CTNNA3: variants seen among roughly 807,000 people sequenced by gnomAD.
CTNNA3 encodes the protein catenin alpha 3.
In CTNNA3, 76 loss-of-function variants were observed where a neutral mutation model predicts 95.7. That is an observed-to-expected ratio of 0.79 (90% CI 0.66 to 0.96). The LOEUF is 0.96. CTNNA3 is among the 40% of genes least tolerant of loss of function. CTNNA3 has a pLI of 0.00. For missense variants in CTNNA3, 1,191 were observed against 1,089.8 expected (o/e 1.09, Z -1.31); for synonymous variants, 431 against 374.4 (o/e 1.15, Z -1.74).
chr10:66,129,706 C>T (rs955367697), intron 13 of CTNNA3, among the ~76,000 whole-genome samples: 2 of 152,062 alleles, frequency 1.3e-5, no homozygotes, highest in Non-Finnish European at 1.5e-5. Context: ...AGCTCCTGCT[C>T]TTGTGGACTG....
At chr10:66,217,309 C>T (rs575397563) in intron 13 of CTNNA3, among the ~76,000 whole-genome samples, 12 of 149,476 alleles carry the variant, frequency 8.0e-5, no homozygotes, top group South Asian at 4.2e-4. Flanking sequence ...GCCGAGATCA[C>T]GCCACTGCAC....
chr10:67,455,318 A>G (rs1847131615), intron 5 of CTNNA3, among the ~76,000 whole-genome samples: 1 of 152,178 alleles, frequency 6.6e-6, no homozygotes, highest in Non-Finnish European at 1.5e-5. Flanking sequence ...CAAGAAATCA[A>G]TATCAAGTCA....
At chr10:66,715,335 A>G (rs1564635485) in intron 9 of CTNNA3, among the ~76,000 whole-genome samples, 1 of 152,068 alleles carries the variant, frequency 6.6e-6, no homozygotes, top group Non-Finnish European at 1.5e-5. Flanking sequence ...TCACAAGTTA[A>G]AGATTGTCAT....
At chr10:66,551,514 A>C (rs1564527941) in intron 10 of CTNNA3, among the ~76,000 whole-genome samples, 2 of 152,136 alleles carry the variant, frequency 1.3e-5, no homozygotes, top group South Asian at 4.1e-4. Flanking sequence ...TCAATTCAAA[A>C]AAATTTAAGA....
chr10:67,517,721 C>CA (rs1839867215), intron 5 of CTNNA3, among the ~76,000 whole-genome samples: 1 of 152,104 alleles, frequency 6.6e-6, no homozygotes, highest in Non-Finnish European at 1.5e-5. Context: ...AGAGATATCA[C>CA]CTTAGAAACA....
intron 13 of CTNNA3, among the ~76,000 whole-genome samples, chr10:66,186,392 T>A (rs1189900946): frequency 1.3e-5 from 2 of 152,010 alleles, no homozygotes; most frequent in African/African-American, 4.8e-5. Context: ...ACTAGTGATG[T>A]CAGTGTTATA....
intron 12 of CTNNA3, among the ~76,000 whole-genome samples, chr10:66,306,242 T>C (rs1226174952): frequency 2.0e-5 from 3 of 152,184 alleles, no homozygotes; most frequent in Non-Finnish European, 4.4e-5. Context: ...TTGTGTTCTG[T>C]AGTTTGACTT....
At chr10:65,944,828 G>A (rs1246708255) in intron 17 of CTNNA3, among the ~76,000 whole-genome samples, 1 of 150,874 alleles carries the variant, frequency 6.6e-6, no homozygotes, top group Non-Finnish European at 1.5e-5. Context: ...GCTCAAAGAA[G>A]TATAGTAACA....
chr10:67,560,883 G>A (rs1841483119), intron 3 of CTNNA3, among the ~76,000 whole-genome samples: 1 of 152,088 alleles, frequency 6.6e-6, no homozygotes, highest in South Asian at 2.1e-4. Flanking sequence ...GATCAAAAGA[G>A]ACAAAGAAGG....
chr10:66,893,479 T>C (rs1829948216), intron 7 of CTNNA3, among the ~76,000 whole-genome samples: 1 of 151,054 alleles, frequency 6.6e-6, no homozygotes, highest in South Asian at 2.1e-4. Context: ...GTCTAAAGCA[T>C]AGATTAAGGT....
At chr10:66,182,189 C>G (rs972928162) in intron 13 of CTNNA3, among the ~76,000 whole-genome samples, 2 of 151,874 alleles carry the variant, frequency 1.3e-5, no homozygotes, top group Admixed American at 1.3e-4. Flanking sequence ...AGTATGGGAG[C>G]CTCAAAGTCA....
chr10:67,146,727 A>G (rs1860864673), intron 7 of CTNNA3, among the ~76,000 whole-genome samples: 1 of 152,178 alleles, frequency 6.6e-6, no homozygotes, highest in African/African-American at 2.4e-5. Context: ...TAAAGAAAAA[A>G]CATCCAGAAA....
chr10:66,491,031 C>T (rs575865833), intron 11 of CTNNA3, among the ~76,000 whole-genome samples: 27 of 152,238 alleles, frequency 1.8e-4, no homozygotes, highest in African/African-American at 6.5e-4. Flanking sequence ...CTTGAAATTC[C>T]TCAAAGCCCT....
intron 13 of CTNNA3, among the ~76,000 whole-genome samples, chr10:66,254,103 T>G (rs754874348): frequency 6.6e-6 from 1 of 152,134 alleles, no homozygotes; most frequent in African/African-American, 2.4e-5. Context: ...GAGACTTTTC[T>G]CAACAATCTT....
At chr10:66,150,562 C>T (rs1457310591) in intron 13 of CTNNA3, among the ~76,000 whole-genome samples, 1 of 151,376 alleles carries the variant, frequency 6.6e-6, no homozygotes, top group Non-Finnish European at 1.5e-5. Flanking sequence ...TATTTTGATA[C>T]CAGCATACGA....
intron 12 of CTNNA3, among the ~76,000 whole-genome samples, chr10:66,313,348 C>T (rs1481484316): frequency 6.6e-6 from 1 of 152,166 alleles, no homozygotes; most frequent in Admixed American, 6.5e-5. Context: ...TGAGAGTTTC[C>T]AATGAACTTA....
intron 5 of CTNNA3, among the ~76,000 whole-genome samples, chr10:67,299,332 A>C (rs537626168): frequency 6.6e-6 from 1 of 151,962 alleles, no homozygotes; most frequent in African/African-American, 2.4e-5. Context: ...CCAGTTACTA[A>C]TTATATCTAT....
chr10:67,059,061 A>G (rs559009833), intron 7 of CTNNA3, among the ~76,000 whole-genome samples: 2 of 152,328 alleles, frequency 1.3e-5, no homozygotes, highest in East Asian at 3.9e-4. Context: ...GGATTGATAA[A>G]TATCTGCACA....
At chr10:66,296,577 A>ACC (rs1277938956) in intron 12 of CTNNA3, among the ~76,000 whole-genome samples, 1 of 147,576 alleles carries the variant, frequency 6.8e-6, no homozygotes, top group Non-Finnish European at 1.5e-5. Context: ...ATATATACAC[A>ACC]CACACACAGA....
Sources: allele counts gnomAD v4.1 joint callset (sites outside exome capture counted in the v4.1 genomes callset), GRCh38; gene constraint gnomAD v4.1.1; transcripts MANE v1.5; gene names NCBI Gene and HGNC (gene_info 2026-07-23, HGNC 2026-07-21).